BMPR1B: variants seen among roughly 807,000 people sequenced by gnomAD.
The protein encoded by BMPR1B is bone morphogenetic protein receptor type 1B, also known as bone morphogenetic protein receptor type-1B.
In BMPR1B, 12 loss-of-function variants were observed where a neutral mutation model predicts 59.1. That is an observed-to-expected ratio of 0.20 (90% CI 0.13 to 0.33). The LOEUF is 0.33. Among genes scored for constraint, BMPR1B ranks in the 10% least tolerant of loss-of-function variants. BMPR1B has a pLI of 1.00. For missense variants in BMPR1B, 550 were observed against 610.9 expected (o/e 0.90, Z 1.05); for synonymous variants, 237 against 207.3 (o/e 1.14, Z -1.23).
rs562322825 is a variant in BMPR1B at position 95,112,310 on chromosome 4, G to A, written c.144-2410G>A. On this transcript the variant is annotated intron_variant, in intron 4 of 12. Transcript: ENST00000515059. Reference sequence around the variant, plus strand: ...TCTATACAAAACTAAGCTTAAACATGGCAACCAGGCAGCAGAATGTTCACA... The same window carrying A: ...TCTATACAAAACTAAGCTTAAACATAGCAACCAGGCAGCAGAATGTTCACA... 2.7e-3 allele frequency among the ~76,000 whole-genome samples: 406 copies of A among 152,056 alleles called. 4 individuals carry two copies. Among genetic ancestry groups the A allele is most frequent in the Non-Finnish European group, 3.5e-3 (239 of 67,954 alleles).
At chr4:94,836,913 T>G (rs908902592) in intron 1 of BMPR1B, among the ~76,000 whole-genome samples, 1 of 149,886 alleles carries the variant, frequency 6.7e-6, no homozygotes, top group Non-Finnish European at 1.5e-5. Flanking sequence ...AAATCTTTAA[T>G]CCATCTTGAA....
chr4:94,917,711 T>A (rs146471451), intron 2 of BMPR1B, among the ~76,000 whole-genome samples: 206 of 152,310 alleles, frequency 1.4e-3, no homozygotes, highest in African/African-American at 4.7e-3. Context: ...TGTGGATTTT[T>A]GAGTTAGTGC....
chr4:94,839,513 A>G (rs1334337890), intron 1 of BMPR1B, among the ~76,000 whole-genome samples: 1 of 148,822 alleles, frequency 6.7e-6, no homozygotes, highest in East Asian at 1.9e-4. Flanking sequence ...ACCATTATGT[A>G]ATGGCCTTCT....
chr4:94,947,643 GACA>G (rs1729769653), intron 2 of BMPR1B, among the ~76,000 whole-genome samples: 1 of 152,238 alleles, frequency 6.6e-6, no homozygotes, highest in African/African-American at 2.4e-5. Context: ...TTGCTAGACA[GACA>G]GGATTTTGGA....
chr4:94,796,233 G>A (rs186312632), intron 1 of BMPR1B, among the ~76,000 whole-genome samples: 7 of 152,302 alleles, frequency 4.6e-5, no homozygotes, highest in Non-Finnish European at 8.8e-5. Context: ...CCAAAATGCT[G>A]GGATTACAAG....
intron 3 of BMPR1B, among the ~76,000 whole-genome samples, chr4:95,016,860 G>A (rs1332444116): frequency 1.3e-5 from 2 of 152,122 alleles, no homozygotes; most frequent in Non-Finnish European, 2.9e-5. Flanking sequence ...TAAAGCAACA[G>A]TTTATACCAA....
In BMPR1B at chr4:94,868,505, A is replaced by C. The variant is rs573586126; in HGVS notation, c.-182-7326A>C. 1.5e-3 allele frequency among the ~76,000 whole-genome samples: 233 copies of C among 152,272 alleles called. 1 individual carries two copies. Among genetic ancestry groups the C allele is most frequent in the Non-Finnish European group, 2.2e-3 (153 of 68,018 alleles). ...TGAATGCCTTACTTTTTTATTCAGC[A>C]AAAAAGGGGGCTCCCCACTGTCATT... On this transcript the variant is annotated intron_variant, in intron 1 of 12. Transcript: ENST00000515059.
chr4:94,872,204 A>G (rs1726527342), intron 1 of BMPR1B, among the ~76,000 whole-genome samples: 1 of 152,226 alleles, frequency 6.6e-6, no homozygotes, highest in African/African-American at 2.4e-5. Flanking sequence ...TTTAGCTTCT[A>G]TAGCTTTGAA....
intron 2 of BMPR1B, among the ~76,000 whole-genome samples, chr4:94,900,273 A>G (rs1420086644): frequency 6.6e-6 from 1 of 151,492 alleles, no homozygotes; most frequent in Non-Finnish European, 1.5e-5. Flanking sequence ...TAAGATGTCA[A>G]TTAGCTGGAT....
chr4:95,122,464 A>G (rs1465985436), intron 6 of BMPR1B, among the ~76,000 whole-genome samples: 1 of 152,202 alleles, frequency 6.6e-6, no homozygotes, highest in East Asian at 1.9e-4. Flanking sequence ...ACTGTTCATT[A>G]TGTATGTATT....
chr4:94,977,401 T>G (rs1209610406), intron 2 of BMPR1B, among the ~76,000 whole-genome samples: 1 of 152,140 alleles, frequency 6.6e-6, no homozygotes, highest in Non-Finnish European at 1.5e-5. Context: ...TTGAAGCTCT[T>G]TCTTATTTTG....
intron 1 of BMPR1B, among the ~76,000 whole-genome samples, chr4:94,830,899 T>G (rs756705644): frequency 6.6e-6 from 1 of 152,226 alleles, no homozygotes; most frequent in African/African-American, 2.4e-5. Context: ...ATGACAATTA[T>G]GTACAGTTTA....
At chr4:95,021,221 A>G (rs889994498) in intron 3 of BMPR1B, among the ~76,000 whole-genome samples, 3 of 152,208 alleles carry the variant, frequency 2.0e-5, no homozygotes, top group African/African-American at 7.2e-5. Context: ...TTTTCTTTCA[A>G]TTCCTACCAT....
At chr4:95,137,540 G>A (rs1368459554) in intron 10 of BMPR1B, among the ~76,000 whole-genome samples, 2 of 152,160 alleles carry the variant, frequency 1.3e-5, no homozygotes, top group African/African-American at 4.8e-5. Context: ...TTGTGTGGGA[G>A]TCTAAGTCTC....
intron 2 of BMPR1B, among the ~76,000 whole-genome samples, chr4:94,962,006 C>T (rs1319162169): frequency 6.6e-6 from 1 of 151,778 alleles, no homozygotes; most frequent in Non-Finnish European, 1.5e-5. Flanking sequence ...ACTATAGTCA[C>T]CTTATTGTGC....
intron 10 of BMPR1B, among the ~76,000 whole-genome samples, chr4:95,144,364 G>A (rs932290973): frequency 6.6e-6 from 1 of 151,828 alleles, no homozygotes. Context: ...TAGTAGAGAC[G>A]GGGTTTTACC....
chr4:94,965,532 T>C (rs1001605167), intron 2 of BMPR1B, among the ~76,000 whole-genome samples: 2 of 152,180 alleles, frequency 1.3e-5, no homozygotes, highest in Admixed American at 1.3e-4. Flanking sequence ...ATATAAGATA[T>C]TCCAAATTGA....
chr4:94,759,051 C>T lies in BMPR1B; in HGVS notation c.-183+983C>T, dbSNP rs986901691. On this transcript the variant is annotated intron_variant, in intron 1 of 12. Coordinates refer to ENST00000515059, the MANE Select transcript of BMPR1B (RefSeq NM_001203.3). ...GCTCCGTGTTTCCGCCTGTGTTTGG[C>T]GGTGTTGGAGAAGAGCCTCTGGAAG... 2.6e-5 allele frequency among the ~76,000 whole-genome samples: 4 copies of T among 152,296 alleles called. No individual in the cohort carries two copies. The South Asian group carries it at 8.3e-4, about 32-fold the overall frequency.
At chr4:94,847,347 T>A (rs1341946279) in intron 1 of BMPR1B, among the ~76,000 whole-genome samples, 3 of 152,178 alleles carry the variant, frequency 2.0e-5, no homozygotes. Flanking sequence ...ATGTGTAAAT[T>A]AGCACAGCCA....
Sources: allele counts gnomAD v4.1 joint callset (sites outside exome capture counted in the v4.1 genomes callset), GRCh38; gene constraint gnomAD v4.1.1; transcripts MANE v1.5; gene names NCBI Gene and HGNC (gene_info 2026-07-23, HGNC 2026-07-21).